Variants in XKR3 observed in about 807,000 individuals in gnomAD.
XKR3 encodes XK-related protein 3.
XKR3 carries 27 observed loss-of-function variants against 40.3 expected under a neutral mutation model. That is an observed-to-expected ratio of 0.67 (90% confidence interval 0.49 to 0.92). The LOEUF is 0.92. Ranked by LOEUF, XKR3 falls within the 40% of genes least tolerant of loss-of-function variation. The pLI is 0.00. For missense variants in XKR3, 472 were observed against 537.6 expected (o/e 0.88, Z 1.21); for synonymous variants, 193 against 195.4 (o/e 0.99, Z 0.10).
At chr22:16,786,256 G>GCGCACACACACACACA (rs1555895915) in intron 3 of XKR3, among the ~76,000 whole-genome samples, 23 of 148,706 alleles carry the variant, frequency 1.5e-4, no homozygotes, top group South Asian at 6.5e-4. Context: ...CAAAACGCGT[G>GCGCACACACACACACA]CACACACACA....
chr22:16,809,831 T>C (rs1601848434), intron 1 of XKR3, among the ~76,000 whole-genome samples: 1 of 152,224 alleles, frequency 6.6e-6, no homozygotes, highest in African/African-American at 2.4e-5. Flanking sequence ...GATCAAGGAC[T>C]CACTGCAGCC....
At chr22:16,814,986 G>A (rs2060227311) in intron 1 of XKR3, among the ~76,000 whole-genome samples, 1 of 151,080 alleles carries the variant, frequency 6.6e-6, no homozygotes, top group Non-Finnish European at 1.5e-5. Flanking sequence ...CAAACTCCCA[G>A]TAAAATGTCA....
intron 1 of XKR3, among the ~76,000 whole-genome samples, chr22:16,815,253 C>T (rs905164602): frequency 2.6e-5 from 4 of 152,006 alleles, no homozygotes; most frequent in African/African-American, 7.2e-5. Context: ...CATTGCATAG[C>T]TGATTCTTGA....
Position 16,790,751 on chromosome 22 carries a change from C to G in XKR3, c.590-6342G>C, listed in dbSNP as rs1436723281. Among the ~76,000 whole-genome samples the G allele has an allele frequency of 1.7e-3, 265 of 151,872 alleles. 2 individuals carry two copies. The highest frequency in any genetic ancestry group is 6.1e-3 in the African/African-American group (254 of 41,434). ...AGAAAGAAAAAAATAAACAATTCTC[C>G]GTAAAGAAAATAGGTCTCTTAATAG... On this transcript the variant is annotated intron_variant, in intron 3 of 3. Transcript: ENST00000684488.
intron 1 of XKR3, among the ~76,000 whole-genome samples, chr22:16,812,712 A>T (rs190520942): frequency 2.6e-5 from 4 of 152,218 alleles, no homozygotes; most frequent in Non-Finnish European, 5.9e-5. Context: ...ACACTCGGTG[A>T]TTTTCAAGGT....
chr22:16,794,978 A>T (rs1465541663), intron 3 of XKR3, among the ~76,000 whole-genome samples: 1 of 152,210 alleles, frequency 6.6e-6, no homozygotes, highest in Non-Finnish European at 1.5e-5. Context: ...ACAAAAATGG[A>T]GCACCGATTT....
intron 1 of XKR3, among the ~76,000 whole-genome samples, chr22:16,811,875 G>A (rs2060214296): frequency 6.6e-6 from 1 of 152,050 alleles, no homozygotes. Flanking sequence ...CCAGCATGGT[G>A]GCGGGCACCT....
intron 1 of XKR3, chr22:16,821,769 G>A (rs1026011911): frequency 5.9e-5 from 9 of 152,124 alleles, no homozygotes; most frequent in Middle Eastern, 3.4e-3. Context: ...AGGAAACCTC[G>A]TGCTTCAATT....
chr22:16,800,137 G>T, intron 2 of XKR3, 113 bp from the exon 3 acceptor site: 1 of 1,212,664 alleles, frequency 8.2e-7, no homozygotes, highest in Non-Finnish European at 1.1e-6. Context: ...ACTATCAAAT[G>T]GCAAATATTA....
At chr22:16,812,279 G>A (rs1214073263) in intron 1 of XKR3, among the ~76,000 whole-genome samples, 3 of 152,098 alleles carry the variant, frequency 2.0e-5, no homozygotes, top group Non-Finnish European at 2.9e-5. Flanking sequence ...TGTTTAACCC[G>A]CATATACATT....
chr22:16,822,955 C>T (rs553579238), intron 1 of XKR3, among the ~76,000 whole-genome samples: 22 of 152,280 alleles, frequency 1.4e-4, no homozygotes, highest in African/African-American at 5.1e-4. Context: ...GTGACCTAGA[C>T]TCACTGAAGC....
chr22:16,796,482 A>G (rs2060141436), intron 3 of XKR3, among the ~76,000 whole-genome samples: 3 of 152,162 alleles, frequency 2.0e-5, no homozygotes, highest in African/African-American at 7.2e-5. Context: ...ACTGGATCTC[A>G]CAGTGCATCA....
At chr22:16,804,832 C>A (rs1447438199) in intron 2 of XKR3, among the ~76,000 whole-genome samples, 1 of 152,098 alleles carries the variant, frequency 6.6e-6, no homozygotes, top group African/African-American at 2.4e-5. Flanking sequence ...ATGTCTCATG[C>A]CTCCCTAAAA....
Position 16,799,843 on chromosome 22 carries a change from G to A in XKR3, c.517C>T (p.Leu173Phe), listed in dbSNP as rs772412143. 1.5e-5 allele frequency: 25 copies of A among 1,614,086 alleles called. No homozygotes were observed. The highest frequency in any genetic ancestry group is 2.1e-5 in the Non-Finnish European group (25 of 1,179,998). ...AAAATTAATTGTGGAACAGAACCGAGAAAAGCCTGAATCACTGACATGTAC... is the reference window on the plus strand; with the variant it reads ...AAAATTAATTGTGGAACAGAACCGAAAAAAGCCTGAATCACTGACATGTAC... ...FKYMSVIQAF[L>F]GSVPQLILQM... The change falls in exon 3 of 4, where the codon CTC becomes TTC. Residue 173 changes from leucine (L) to phenylalanine (F), a missense_variant. Physicochemically the swap from Leu to Phe is conservative, Grantham distance 22. Transcript: ENST00000684488.
At chr22:16,785,357 G>C (rs1453204604) in intron 3 of XKR3, among the ~76,000 whole-genome samples, 1 of 151,832 alleles carries the variant, frequency 6.6e-6, no homozygotes, top group Non-Finnish European at 1.5e-5. Context: ...GTGTGCATGT[G>C]TGTGATTGTA....
intron 3 of XKR3, among the ~76,000 whole-genome samples, chr22:16,799,492 T>G (rs894835222): frequency 4.0e-5 from 6 of 149,420 alleles, no homozygotes; most frequent in Non-Finnish European, 7.4e-5. Context: ...TAAAAACTTA[T>G]TCCTCTGCTT....
chr22:16,819,939 G>A (rs541237970), intron 1 of XKR3, among the ~76,000 whole-genome samples: 19 of 152,254 alleles, frequency 1.2e-4, no homozygotes, highest in African/African-American at 3.6e-4. Flanking sequence ...AAGGATATAA[G>A]CATGGGAAAT....
chr22:16,795,973 A>C (rs1351232198), intron 3 of XKR3, among the ~76,000 whole-genome samples: 1 of 144,294 alleles, frequency 6.9e-6, no homozygotes, highest in Non-Finnish European at 1.6e-5. Context: ...TCTCAAAAAA[A>C]AAGGGACCAG....
At chr22:16,803,655 C>G (rs1048227492) in intron 2 of XKR3, among the ~76,000 whole-genome samples, 14 of 152,248 alleles carry the variant, frequency 9.2e-5, no homozygotes, top group African/African-American at 2.6e-4. Flanking sequence ...TGCACGAAAA[C>G]CAAAATGGCC....
Sources: allele counts gnomAD v4.1 joint callset (sites outside exome capture counted in the v4.1 genomes callset), GRCh38; gene constraint gnomAD v4.1.1; transcripts MANE v1.5; gene names NCBI Gene and HGNC (gene_info 2026-07-23, HGNC 2026-07-21).